Variants in PNLIPRP3 observed in about 807,000 individuals in gnomAD.
PNLIPRP3 encodes pancreatic lipase related protein 3.
A neutral mutation model predicts 52.8 loss-of-function variants in PNLIPRP3; 58 were observed. That is an observed-to-expected ratio of 1.10 (90% CI 0.89 to 1.37). The LOEUF (loss-of-function observed/expected upper bound fraction) is 1.37, where lower values mean the gene tolerates loss of function less well. Among genes scored for constraint, PNLIPRP3 ranks in the 40% most tolerant of loss-of-function variants. The probability of loss-of-function intolerance (pLI) is 0.00; values close to 1 mark genes in which losing one functional copy is unlikely to be tolerated. For missense variants in PNLIPRP3, 593 were observed against 561.6 expected (o/e 1.06, Z -0.57); for synonymous variants, 192 against 185.0 (o/e 1.04, Z -0.31).
At chr10:116,475,785 T>C (rs574896021) in intron 10 of PNLIPRP3, among the ~76,000 whole-genome samples, 1 of 152,208 alleles carries the variant, frequency 6.6e-6, no homozygotes, top group African/African-American at 2.4e-5. Context: ...AGAATAGTTA[T>C]AAGTTATGAA....
intron 3 of PNLIPRP3, among the ~76,000 whole-genome samples, chr10:116,443,839 A>C (rs1277718901): frequency 1.5e-5 from 2 of 135,690 alleles, no homozygotes; most frequent in African/African-American, 5.7e-5. Context: ...ATATATATAT[A>C]TATATGGGTT....
At chr10:116,442,148 A>G (rs565692133) in intron 2 of PNLIPRP3, among the ~76,000 whole-genome samples, 208 of 152,314 alleles carry the variant, frequency 1.4e-3, no homozygotes, top group African/African-American at 4.1e-3. Flanking sequence ...TTCCAATAGA[A>G]TTGCTTATAC....
chr10:116,461,895 A>C (rs1239493480), intron 7 of PNLIPRP3, among the ~76,000 whole-genome samples: 3 of 152,204 alleles, frequency 2.0e-5, no homozygotes, highest in Non-Finnish European at 4.4e-5. Context: ...GGCTGAAAAC[A>C]GGAGTCAGCC....
chr10:116,477,155 C>A lies in PNLIPRP3; in HGVS notation c.*2C>A. 6.3e-7 allele frequency: 1 copy of A among 1,583,462 alleles called. No homozygotes were observed. The highest frequency in any genetic ancestry group is 8.7e-7 in the Non-Finnish European group (1 of 1,155,578). ...CTCCAGAACCTGAAACCATGCTAAT[C>A]TCAGATACAGTCTTGATGGATTTCT... On this transcript the variant is annotated 3_prime_UTR_variant, in exon 12 of 12. Coordinates refer to ENST00000369230, the MANE Select transcript of PNLIPRP3 (RefSeq NM_001011709.3).
Position 116,443,149 on chromosome 10 carries a change from G to C in PNLIPRP3, c.299G>C (p.Gly100Ala). The C allele has an allele frequency of 1.2e-6, 2 of 1,610,678 alleles. No individual in the cohort carries two copies. The highest frequency in any genetic ancestry group is 1.7e-6 in the Non-Finnish European group (2 of 1,177,968). ...AACATAGCTGGATGGAAAACAGATGGCAAATGGCAGAGAGACATGTGCAAT... is the reference window on the plus strand; with the variant it reads ...AACATAGCTGGATGGAAAACAGATGCCAAATGGCAGAGAGACATGTGCAAT... ...RINIAGWKTD[G>A]KWQRDMCNVL... The change falls in exon 3 of 12, where the codon GGC becomes GCC. Residue 100 changes from glycine to alanine, a missense_variant. Coordinates refer to ENST00000369230, the MANE Select transcript of PNLIPRP3 (RefSeq NM_001011709.3).
intron 2 of PNLIPRP3, among the ~76,000 whole-genome samples, chr10:116,437,650 G>A (rs888529588): frequency 4.1e-4 from 63 of 152,140 alleles, no homozygotes; most frequent in African/African-American, 1.5e-3. Flanking sequence ...GATGCTTTAG[G>A]GCATTTACTC....
At chr10:116,449,190 C>A (rs560824242) in intron 4 of PNLIPRP3, among the ~76,000 whole-genome samples, 6 of 152,244 alleles carry the variant, frequency 3.9e-5, no homozygotes, top group Non-Finnish European at 8.8e-5. Context: ...CAGAGCAAGA[C>A]CCTGTCTCAA....
Position 116,476,696 on chromosome 10 carries a change from C to T in PNLIPRP3, c.1217C>T (p.Ala406Val), listed in dbSNP as rs1446941053. The T allele has an allele frequency of 6.3e-7, 1 of 1,596,938 alleles. No homozygotes were observed. Among genetic ancestry groups the T allele is most frequent in the South Asian group, 1.2e-5 (1 of 86,898 alleles). Residue 406 changes from alanine (A) to valine (V), a missense_variant, in exon 11 of 12, where the codon GCA (alanine) becomes GTA (valine). By Grantham distance (64) the Ala-to-Val change is moderately conservative (BLOSUM62 0). Coordinates refer to ENST00000369230, the MANE Select transcript of PNLIPRP3 (RefSeq NM_001011709.3). ...ATGACTTACACAAAATTAATCGATG[C>T]AGATGTTAACGTTGGAAACATTACA... ...PGMTYTKLIDADVNVGNITSV... is the reference protein window; with the variant it reads ...PGMTYTKLIDVDVNVGNITSV...
At chr10:116,432,969 C>T (rs1255780349) in intron 1 of PNLIPRP3, among the ~76,000 whole-genome samples, 1 of 151,378 alleles carries the variant, frequency 6.6e-6, no homozygotes, top group African/African-American at 2.4e-5. Flanking sequence ...AAAAAATTAG[C>T]CAGGTGTGGA....
chr10:116,477,048 A>G, intron 11 of PNLIPRP3, 42 bp from the exon 12 acceptor site: 1 of 1,482,682 alleles, frequency 6.7e-7, no homozygotes, highest in African/African-American at 1.4e-5. Flanking sequence ...CTTCCCTGGC[A>G]TCAGGTTAAA....
intron 1 of PNLIPRP3, among the ~76,000 whole-genome samples, chr10:116,431,929 T>A (rs1024539125): frequency 6.6e-6 from 1 of 152,096 alleles, no homozygotes; most frequent in South Asian, 2.1e-4. Flanking sequence ...CCCCCAGGTC[T>A]TGATGCAAAT....
chr10:116,471,901 C>T (rs10885939), intron 10 of PNLIPRP3, 22 bp downstream of exon 10: 111,480 of 1,457,838 alleles, frequency 0.076, 5,390 homozygotes, highest in East Asian at 0.25. Context: ...GAGAAACTGA[C>T]GCTTTGCACA....
intron 2 of PNLIPRP3, among the ~76,000 whole-genome samples, chr10:116,441,097 A>T (rs1041020371): frequency 6.6e-6 from 1 of 152,118 alleles, no homozygotes; most frequent in Non-Finnish European, 1.5e-5. Flanking sequence ...TCTTCTTTTG[A>T]TCCCATGATG....
At chr10:116,428,343 T>C (rs988951616) in intron 1 of PNLIPRP3, among the ~76,000 whole-genome samples, 3 of 152,040 alleles carry the variant, frequency 2.0e-5, no homozygotes, top group African/African-American at 7.2e-5. Context: ...TATAAAAGAG[T>C]TGCCGGACAG....
rs1036221602 is a variant in PNLIPRP3 at position 116,436,882 on chromosome 10, C to T, written c.204+17C>T. 8 of 1,560,244 alleles carry T rather than the reference C, an allele frequency of 5.1e-6. No individual in the cohort carries two copies. Among genetic ancestry groups the T allele is most frequent in the Non-Finnish European group, 2.6e-6 (3 of 1,147,818 alleles). On this transcript the variant is annotated intron_variant, in intron 2 of 11. Coordinates refer to ENST00000369230, the MANE Select transcript of PNLIPRP3 (RefSeq NM_001011709.3). Reference sequence around the variant, plus strand: ...GCCTATCAGGTAAGCTAACTTGCAGCCTTCACACATGGATTATTCTAAAAT... The same window carrying T: ...GCCTATCAGGTAAGCTAACTTGCAGTCTTCACACATGGATTATTCTAAAAT...
chr10:116,433,567 C>G (rs948611681), intron 1 of PNLIPRP3, among the ~76,000 whole-genome samples: 2 of 152,140 alleles, frequency 1.3e-5, no homozygotes, highest in Admixed American at 1.3e-4. Context: ...TCTACATACC[C>G]TTCCATAGTA....
intron 1 of PNLIPRP3, among the ~76,000 whole-genome samples, chr10:116,435,579 T>A (rs750836039): frequency 1.3e-5 from 2 of 152,202 alleles, no homozygotes; most frequent in African/African-American, 4.8e-5. Flanking sequence ...CCTGCCCTTC[T>A]GGCTGAGCTT....
At chr10:116,450,677 T>G (rs1474452457) in intron 4 of PNLIPRP3, among the ~76,000 whole-genome samples, 1 of 152,040 alleles carries the variant, frequency 6.6e-6, no homozygotes, top group African/African-American at 2.4e-5. Flanking sequence ...TATAAATAAT[T>G]ACACAACAAA....
chr10:116,477,271 C>CAAA lies in PNLIPRP3; in HGVS notation c.*118_*119insAAA. On this transcript the variant is annotated 3_prime_UTR_variant, in exon 12 of 12. Coordinates refer to ENST00000369230, the MANE Select transcript of PNLIPRP3 (RefSeq NM_001011709.3). The stretch of plus-strand genomic sequence containing the variant: ...AAATGACTTAGTCATTTACAAGGGT[C>CAAA]TTACTCAGAGTCAAGTACGGGTTTG... 4 of 749,720 alleles carry CAAA rather than the reference C, an allele frequency of 5.3e-6. No individual in the cohort carries two copies. Among genetic ancestry groups the CAAA allele is most frequent in the East Asian group, 2.8e-5 (1 of 36,310 alleles). The allele number at this position is 749,720 out of a possible 1,614,324, so 46.4% of individuals were successfully genotyped here.
Sources: allele counts gnomAD v4.1 joint callset (sites outside exome capture counted in the v4.1 genomes callset), GRCh38; gene constraint gnomAD v4.1.1; transcripts MANE v1.5; gene names NCBI Gene and HGNC (gene_info 2026-07-23, HGNC 2026-07-21).